The following NBAS variants were observed in gnomAD, a reference collection of about 807,000 sequenced individuals.
NBAS encodes NBAS subunit of NRZ tethering complex, also known as NAG/BC035112 fusion.
Under a neutral mutation model 302.5 loss-of-function variants are expected in NBAS, and 219 were observed. That is an observed-to-expected ratio of 0.72 (90% CI 0.65 to 0.81). The LOEUF is 0.81. NBAS is among the 30% of genes least tolerant of loss of function. The pLI is 0.00. For synonymous variants in NBAS, 1,118 were observed against 1,021.6 expected (o/e 1.09, Z -1.80); for missense variants, 2,932 against 2,841.6 (o/e 1.03, Z -0.72).
At chr2:15,542,649 T>TA (rs199906894) in intron 6 of NBAS, among the ~76,000 whole-genome samples, 163 of 149,464 alleles carry the variant, frequency 1.1e-3, no homozygotes, top group Middle Eastern at 0.01. Flanking sequence ...ATAAATAAGA[T>TA]AAAAAAAATA....
At chr2:15,275,338 T>G in intron 44 of NBAS, 146 bp downstream of exon 44, 1 of 941,080 alleles carries the variant, frequency 1.1e-6, no homozygotes, top group Non-Finnish European at 1.6e-6. Flanking sequence ...AAACACCTCA[T>G]TCACAGCAAA....
intron 46 of NBAS, among the ~76,000 whole-genome samples, chr2:15,233,546 A>G (rs1163902726): frequency 6.6e-6 from 1 of 152,214 alleles, no homozygotes; most frequent in Admixed American, 6.5e-5. Flanking sequence ...ATAAACCAAA[A>G]GGTATGAAAT....
At chr2:15,106,467 C>G in the NBAS span, among the ~76,000 whole-genome samples, 1 of 151,586 alleles carries the variant, frequency 6.6e-6, no homozygotes, top group African/African-American at 2.4e-5. Context: ...CTCTCTCTCT[C>G]TCTCTCTCTC....
At chr2:14,819,257 C>A in the NBAS span, among the ~76,000 whole-genome samples, 2 of 152,158 alleles carry the variant, frequency 1.3e-5, no homozygotes, top group Non-Finnish European at 2.9e-5. Flanking sequence ...GTAGGTAGAT[C>A]CCATGTAAGA....
chr2:14,895,865 C>T, the NBAS span, among the ~76,000 whole-genome samples: 2 of 151,614 alleles, frequency 1.3e-5, no homozygotes, highest in South Asian at 2.1e-4. Flanking sequence ...GGGAAGATGA[C>T]GGGTAAGGAC....
chr2:15,225,288 C>A (rs1195025777), intron 47 of NBAS, among the ~76,000 whole-genome samples: 1 of 152,178 alleles, frequency 6.6e-6, no homozygotes, highest in Non-Finnish European at 1.5e-5. Context: ...AGTGGATACT[C>A]ATAAATATGG....
At chr2:15,266,199 C>T (rs1669069568) in intron 44 of NBAS, among the ~76,000 whole-genome samples, 1 of 152,180 alleles carries the variant, frequency 6.6e-6, no homozygotes, top group African/African-American at 2.4e-5. Flanking sequence ...TGAAGCCTCC[C>T]CAGCCATGAG....
chr2:14,818,812 A>T, the NBAS span, among the ~76,000 whole-genome samples: 2 of 151,992 alleles, frequency 1.3e-5, no homozygotes, highest in Non-Finnish European at 2.9e-5. Context: ...GCCATAAAGA[A>T]CTCTCTGCTC....
the NBAS span, among the ~76,000 whole-genome samples, chr2:15,071,019 A>G: frequency 6.6e-6 from 1 of 152,126 alleles, no homozygotes; most frequent in Non-Finnish European, 1.5e-5. Flanking sequence ...GGTTAGTGAC[A>G]AAGCTGGTGT....
the NBAS span, among the ~76,000 whole-genome samples, chr2:14,879,789 C>G: frequency 1.3e-5 from 2 of 152,124 alleles, no homozygotes; most frequent in African/African-American, 2.4e-5. Context: ...TGGGGCTTAT[C>G]CCAGAGCAGA....
chr2:15,285,983 C>T (rs549968415), intron 42 of NBAS, among the ~76,000 whole-genome samples: 1 of 152,246 alleles, frequency 6.6e-6, no homozygotes, highest in South Asian at 2.1e-4. Context: ...CCTCACACTT[C>T]CCCCAAAATA....
chr2:15,512,342 G>T (rs952612399), intron 9 of NBAS, among the ~76,000 whole-genome samples: 3 of 152,116 alleles, frequency 2.0e-5, no homozygotes, highest in African/African-American at 7.2e-5. Context: ...TATGCCCACT[G>T]GTAGTAGTCA....
intron 6 of NBAS, among the ~76,000 whole-genome samples, chr2:15,547,010 C>T (rs1664148428): frequency 6.6e-6 from 1 of 152,206 alleles, no homozygotes; most frequent in South Asian, 2.1e-4. Flanking sequence ...ATGAAAAAAT[C>T]TGTTGACTAC....
At chr2:15,135,250 TG>T in the NBAS span, among the ~76,000 whole-genome samples, 1 of 152,188 alleles carries the variant, frequency 6.6e-6, no homozygotes, top group South Asian at 2.1e-4. Flanking sequence ...GGATGAGACT[TG>T]GGTTTCACCA....
At chr2:15,540,397 A>C (rs1043753440) in intron 6 of NBAS, among the ~76,000 whole-genome samples, 12 of 151,874 alleles carry the variant, frequency 7.9e-5, no homozygotes, top group Admixed American at 1.3e-4. Context: ...CTCAGGTCTC[A>C]CCATCTCCTG....
chr2:14,864,838 T>C, the NBAS span, among the ~76,000 whole-genome samples: 2 of 152,188 alleles, frequency 1.3e-5, no homozygotes, highest in African/African-American at 2.4e-5. Context: ...CGGTAATACA[T>C]ATAAAGTACC....
chr2:15,461,892 A>G lies in NBAS; in HGVS notation c.2098-101T>C, dbSNP rs556535729. ...TTTACAACTCTGCCTGCCTAAATAA[A>G]TAAGGCCTGAATTAATTAATTTCAA... On this transcript the variant is annotated intron_variant, in intron 19 of 51. Transcript: ENST00000281513. 926 of 701,132 alleles carry G rather than the reference A, an allele frequency of 1.3e-3. 18 individuals carry two copies. The South Asian group carries it at 0.015, about 11-fold the overall frequency. 43.4% of individuals were successfully genotyped at this position (701,132 alleles called of 1,614,324 possible). A position where few individuals can be genotyped will look rare whatever the true frequency, so the allele number is the denominator to read the frequency against.
chr2:15,303,928 T>C (rs1307916409), intron 40 of NBAS, among the ~76,000 whole-genome samples: 1 of 152,194 alleles, frequency 6.6e-6, no homozygotes, highest in Non-Finnish European at 1.5e-5. Flanking sequence ...TTTACTTAAC[T>C]GTCTCATATG....
chr2:15,211,335 T>C (rs2147863229), intron 48 of NBAS, among the ~76,000 whole-genome samples: 1 of 152,226 alleles, frequency 6.6e-6, no homozygotes, highest in East Asian at 1.9e-4. Flanking sequence ...ATGTGGACAC[T>C]AGTGGGACAA....
Sources: allele counts gnomAD v4.1 joint callset (sites outside exome capture counted in the v4.1 genomes callset), GRCh38; gene constraint gnomAD v4.1.1; transcripts MANE v1.5; gene names NCBI Gene and HGNC (gene_info 2026-07-23, HGNC 2026-07-21).